The following CAMKMT variants were observed in gnomAD, a reference collection of about 807,000 sequenced individuals.
CAMKMT encodes calmodulin-lysine N-methyltransferase, also known as CaM KMT.
CAMKMT carries 53 observed loss-of-function variants against 48.0 expected under a neutral mutation model. The observed-to-expected ratio is 1.10, with a 90% CI of 0.89 to 1.39. CAMKMT has a LOEUF of 1.39. Ranked by LOEUF, CAMKMT falls within the 40% of genes most tolerant of loss-of-function variation. The pLI is 0.00. For synonymous variants in CAMKMT, 165 were observed against 152.3 expected (o/e 1.08, Z -0.61); for missense variants, 428 against 402.7 (o/e 1.06, Z -0.54).
chr2:44,427,233 T>C (rs1684334257), intron 3 of CAMKMT, among the ~76,000 whole-genome samples: 1 of 152,186 alleles, frequency 6.6e-6, no homozygotes, highest in Non-Finnish European at 1.5e-5. Flanking sequence ...GAAATACTCT[T>C]CTGGACATTG....
At chr2:44,503,984 G>GGAGAGAGAGAGAGAGAGAGA (rs370141046) in intron 3 of CAMKMT, among the ~76,000 whole-genome samples, 94 of 142,676 alleles carry the variant, frequency 6.6e-4, no homozygotes, top group Middle Eastern at 3.5e-3. Context: ...GAGCGGGTGG[G>GGAGAGAGAGAGAGAGAGAGA]GAGAGAGAGA....
chr2:44,560,418 C>T (rs1202615548), intron 3 of CAMKMT, among the ~76,000 whole-genome samples: 4 of 152,206 alleles, frequency 2.6e-5, no homozygotes, highest in Admixed American at 6.5e-5. Flanking sequence ...CAGGAGCATA[C>T]CACTATGCCC....
rs530973132 is a variant in CAMKMT, at chr2:44,467,216, C to T, written c.376+76911C>T. Among the ~76,000 whole-genome samples the T allele has an allele frequency of 8.6e-5, 13 of 151,984 alleles. No homozygotes were observed. The South Asian group carries it at 2.5e-3, about 29-fold the overall frequency. ...CTGCAGCAGTGAGCTGTGATCATGA[C>T]ACTGTACTCAGCAAGACCCTGTCTC... On this transcript the variant is annotated intron_variant, in intron 3 of 10. Transcript: ENST00000378494.
At chr2:44,565,312 G>A (rs1045974100) in intron 3 of CAMKMT, among the ~76,000 whole-genome samples, 2 of 152,140 alleles carry the variant, frequency 1.3e-5, no homozygotes, top group Non-Finnish European at 1.5e-5. Context: ...TGGTGTCCTG[G>A]AAAGAACACT....
chr2:44,689,650 G>T (rs1319869525), intron 3 of CAMKMT, among the ~76,000 whole-genome samples: 2 of 152,116 alleles, frequency 1.3e-5, no homozygotes, highest in Non-Finnish European at 2.9e-5. Flanking sequence ...TCCATGTCAT[G>T]TTTTCCCTCC....
intron 3 of CAMKMT, among the ~76,000 whole-genome samples, chr2:44,698,455 T>A (rs1431915139): frequency 2.0e-5 from 3 of 152,232 alleles, no homozygotes; most frequent in Non-Finnish European, 4.4e-5. Context: ...CACAATAAAG[T>A]AAGTCACACA....
At chr2:44,693,143 A>G (rs529822071) in intron 3 of CAMKMT, among the ~76,000 whole-genome samples, 17 of 152,102 alleles carry the variant, frequency 1.1e-4, no homozygotes, top group Non-Finnish European at 2.2e-4. Context: ...TCTCATCTGG[A>G]TATTAGTAGT....
At chr2:44,527,517 C>A (rs1666212015) in intron 3 of CAMKMT, among the ~76,000 whole-genome samples, 1 of 148,130 alleles carries the variant, frequency 6.8e-6, no homozygotes, top group African/African-American at 2.5e-5. Flanking sequence ...CTTTGGCTTC[C>A]CAGTGGGATT....
chr2:44,497,026 G>A (rs535163104), intron 3 of CAMKMT, among the ~76,000 whole-genome samples: 1 of 152,268 alleles, frequency 6.6e-6, no homozygotes, highest in South Asian at 2.1e-4. Flanking sequence ...ATTGGAAGTG[G>A]AAGGGTATCC....
At chr2:44,619,618 TTTA>T (rs1672071572) in intron 3 of CAMKMT, among the ~76,000 whole-genome samples, 1 of 152,190 alleles carries the variant, frequency 6.6e-6, no homozygotes, top group African/African-American at 2.4e-5. Flanking sequence ...ATGAAAATAT[TTTA>T]CAGTATAAAT....
At chr2:44,519,523 C>T (rs1027375382) in intron 3 of CAMKMT, among the ~76,000 whole-genome samples, 2 of 151,960 alleles carry the variant, frequency 1.3e-5, no homozygotes, top group African/African-American at 2.4e-5. Flanking sequence ...TGCCTTAGTA[C>T]GAGGCATAGC....
chr2:44,646,541 G>A (rs866383664), intron 3 of CAMKMT, among the ~76,000 whole-genome samples: 7 of 152,070 alleles, frequency 4.6e-5, no homozygotes, highest in Middle Eastern at 3.2e-3. Context: ...TCACTGCCTA[G>A]ATGTGCGAAG....
intron 3 of CAMKMT, among the ~76,000 whole-genome samples, chr2:44,656,617 G>C (rs944256648): frequency 2.6e-5 from 4 of 152,040 alleles, no homozygotes; most frequent in African/African-American, 9.7e-5. Flanking sequence ...ATTCCACTAT[G>C]ACAGTCGCTC....
chr2:44,592,643 A>C (rs1201376118), intron 3 of CAMKMT, among the ~76,000 whole-genome samples: 1 of 152,210 alleles, frequency 6.6e-6, no homozygotes, highest in Non-Finnish European at 1.5e-5. Context: ...TTTTTAAAGT[A>C]AACTTTATCA....
chr2:44,400,922 A>G (rs1410580923), intron 3 of CAMKMT: 2 of 129,884 alleles, frequency 1.5e-5, no homozygotes, highest in Non-Finnish European at 1.6e-5. Flanking sequence ...ATGTATACTT[A>G]TGTGTGTGTA....
intron 8 of CAMKMT, among the ~76,000 whole-genome samples, chr2:44,752,623 C>T (rs1680199400): frequency 6.6e-6 from 1 of 151,744 alleles, no homozygotes; most frequent in African/African-American, 2.4e-5. Context: ...CAGATTGGGT[C>T]ATTGATAAAG....
chr2:44,604,014 A>G (rs1186126732), intron 3 of CAMKMT, among the ~76,000 whole-genome samples: 2 of 152,222 alleles, frequency 1.3e-5, no homozygotes, highest in African/African-American at 4.8e-5. Flanking sequence ...TCCTCTTCTC[A>G]CAGGACAGGC....
chr2:44,470,565 G>A (rs1668360695), intron 3 of CAMKMT, among the ~76,000 whole-genome samples: 1 of 152,192 alleles, frequency 6.6e-6, no homozygotes, highest in Non-Finnish European at 1.5e-5. Flanking sequence ...CTTTGTTGTA[G>A]ATTGTCAAGG....
chr2:44,418,354 C>G (rs1683710915), intron 3 of CAMKMT, among the ~76,000 whole-genome samples: 5 of 151,060 alleles, frequency 3.3e-5, no homozygotes, highest in Admixed American at 2.6e-4. Context: ...ATAGTTCTGG[C>G]TTTTATATTT....
Sources: gnomAD v4.1 joint callset for allele counts (sites outside exome capture counted in the v4.1 genomes callset) on GRCh38, gnomAD v4.1.1 for gene constraint, MANE v1.5 for transcripts, NCBI Gene and HGNC (gene_info 2026-07-23, HGNC 2026-07-21) for gene names.